TENM3: variants seen among roughly 807,000 people sequenced by gnomAD.
TENM3 encodes teneurin transmembrane protein 3, also known as teneurin-3.
A neutral mutation model predicts 255.1 loss-of-function variants in TENM3; 63 were observed. The observed-to-expected ratio is 0.25, with a 90% CI of 0.20 to 0.30. The LOEUF is 0.30. TENM3 is among the 10% of genes least tolerant of loss of function. The pLI is 1.00. For synonymous variants in TENM3, 1,306 were observed against 1,322.3 expected (o/e 0.99, Z 0.27); for missense variants, 2,929 against 3,461.1 (o/e 0.85, Z 3.86).
intron 12 of TENM3, among the ~76,000 whole-genome samples, chr4:182,695,012 G>A (rs987743252): frequency 6.6e-6 from 1 of 152,186 alleles, no homozygotes; most frequent in South Asian, 2.1e-4. Flanking sequence ...TGCAACTTTT[G>A]TAGTGTTTCC....
chr4:181,843,139 G>A, the TENM3 span, among the ~76,000 whole-genome samples: 13 of 152,056 alleles, frequency 8.5e-5, no homozygotes, highest in Admixed American at 5.9e-4. Flanking sequence ...TATGACTTTT[G>A]ACAACTTCAT....
At chr4:182,161,295 A>G (rs1751147182) in intron 1 of TENM3, among the ~76,000 whole-genome samples, 1 of 136,336 alleles carries the variant, frequency 7.3e-6, no homozygotes, top group Non-Finnish European at 1.6e-5. Flanking sequence ...GGGCGCCTGT[A>G]GTCCCAGCTA....
At chr4:182,397,398 T>TAA (rs144177808) in intron 3 of TENM3, among the ~76,000 whole-genome samples, 797 of 48,958 alleles carry the variant, frequency 0.016, 28 homozygotes, top group Middle Eastern at 0.056. Context: ...AGACTCCATC[T>TAA]AAAAAAAAAA....
the TENM3 span, among the ~76,000 whole-genome samples, chr4:181,960,553 T>C: frequency 1.3e-5 from 2 of 152,182 alleles, no homozygotes; most frequent in African/African-American, 4.8e-5. Context: ...TTTGACATAG[T>C]TGGCAGCCTT....
the TENM3 span, among the ~76,000 whole-genome samples, chr4:181,964,531 C>CCTCAATT: frequency 1.3e-5 from 2 of 151,960 alleles, no homozygotes; most frequent in African/African-American, 2.4e-5. Flanking sequence ...TGCCATCCCT[C>CCTCAATT]CTCAATTCTG....
At chr4:181,783,934 CA>C in the TENM3 span, among the ~76,000 whole-genome samples, 1 of 152,188 alleles carries the variant, frequency 6.6e-6, no homozygotes, top group Non-Finnish European at 1.5e-5. Context: ...CTCCTGGCTT[CA>C]AGCAGTCCTC....
At chr4:182,597,167 C>T (rs182043712) in intron 3 of TENM3, among the ~76,000 whole-genome samples, 13 of 152,278 alleles carry the variant, frequency 8.5e-5, no homozygotes, top group Admixed American at 2.0e-4. Context: ...CTTTGGGAGG[C>T]CTCCGCGGGA....
chr4:181,591,826 A>C, the TENM3 span, among the ~76,000 whole-genome samples: 1 of 152,204 alleles, frequency 6.6e-6, no homozygotes, highest in East Asian at 1.9e-4. Context: ...CCACGAAACC[A>C]GTCCTTGGTG....
intron 13 of TENM3, among the ~76,000 whole-genome samples, chr4:182,728,216 A>C (rs780989154): frequency 2.0e-5 from 3 of 152,158 alleles, no homozygotes; most frequent in Non-Finnish European, 1.5e-5. Context: ...TGTTTGCTAC[A>C]CTTCATAAAC....
intron 3 of TENM3, among the ~76,000 whole-genome samples, chr4:182,521,736 C>T (rs892366992): frequency 1.3e-5 from 2 of 152,108 alleles, no homozygotes; most frequent in African/African-American, 4.8e-5. Flanking sequence ...GTTGCTGCCT[C>T]AGTAGGATAT....
At chr4:182,625,850 T>C (rs1750768790) in intron 4 of TENM3, among the ~76,000 whole-genome samples, 1 of 152,320 alleles carries the variant, frequency 6.6e-6, no homozygotes, top group African/African-American at 2.4e-5. Flanking sequence ...CTGCTCACTC[T>C]TCATGTATAA....
At chr4:182,553,407 A>G (rs1320536860) in intron 3 of TENM3, among the ~76,000 whole-genome samples, 7 of 151,020 alleles carry the variant, frequency 4.6e-5, no homozygotes, top group African/African-American at 1.7e-4. Flanking sequence ...GAGGGATAGC[A>G]TTAGGAGATA....
chr4:182,600,961 G>A lies in TENM3; in HGVS notation c.549G>A (p.Gln183=). 3.4e-6 allele frequency: 5 copies of A among 1,480,802 alleles called. No individual in the cohort carries two copies. Among genetic ancestry groups the A allele is most frequent in the Non-Finnish European group, 4.5e-6 (5 of 1,100,340 alleles). 91.7% of individuals were successfully genotyped at this position (1,480,802 alleles called of 1,614,324 possible). ...PASNQGQSTL[Q]PLPPSHKQHS... ...GCAATCAAGGCCAGTCTACCCTGCAGCCCTTGCCGCCTTCCCATAAGCAGC... is the reference window on the plus strand; with the variant it reads ...GCAATCAAGGCCAGTCTACCCTGCAACCCTTGCCGCCTTCCCATAAGCAGC... Residue 183 remains glutamine, a synonymous_variant, in exon 4 of 28, where the codon CAG becomes CAA. Transcript: ENST00000511685.
chr4:182,686,748 A>C (rs530117700), intron 11 of TENM3, among the ~76,000 whole-genome samples: 1 of 152,262 alleles, frequency 6.6e-6, no homozygotes, highest in South Asian at 2.1e-4. Context: ...ACCTTGCTCA[A>C]AGCTAGTGTG....
chr4:181,888,547 T>C, the TENM3 span, among the ~76,000 whole-genome samples: 4 of 116,876 alleles, frequency 3.4e-5, no homozygotes, highest in East Asian at 7.0e-4. Flanking sequence ...TATATATATA[T>C]ATGTATATAT....
chr4:181,659,468 T>A, the TENM3 span, among the ~76,000 whole-genome samples: 3 of 152,180 alleles, frequency 2.0e-5, no homozygotes, highest in Non-Finnish European at 2.9e-5. Context: ...GGGAATAGAA[T>A]TAGAGAATTA....
At chr4:181,723,057 A>G in the TENM3 span, among the ~76,000 whole-genome samples, 12 of 152,194 alleles carry the variant, frequency 7.9e-5, 1 homozygote, top group African/African-American at 2.9e-4. Context: ...ACTCGATAAA[A>G]TGTGTGTTCT....
the TENM3 span, among the ~76,000 whole-genome samples, chr4:181,645,359 C>T: frequency 1.3e-5 from 2 of 152,152 alleles, no homozygotes; most frequent in Admixed American, 6.5e-5. Context: ...CTGTGGCCAC[C>T]GCTGAGAGCC....
the TENM3 span, among the ~76,000 whole-genome samples, chr4:181,972,795 T>C: frequency 2.0e-5 from 3 of 152,224 alleles, no homozygotes; most frequent in Non-Finnish European, 2.9e-5. Flanking sequence ...CAGGATTAAG[T>C]TGATCTACAG....
Sources: allele counts gnomAD v4.1 joint callset (sites outside exome capture counted in the v4.1 genomes callset), GRCh38; gene constraint gnomAD v4.1.1; transcripts MANE v1.5; gene names NCBI Gene and HGNC (gene_info 2026-07-23, HGNC 2026-07-21).